The following ERGIC1 variants were observed in gnomAD, a reference collection of about 807,000 sequenced individuals.
ERGIC1 encodes the protein endoplasmic reticulum-Golgi intermediate compartment protein 1.
Under a neutral mutation model 38.3 loss-of-function variants are expected in ERGIC1, and 19 were observed. The observed-to-expected ratio is 0.50, with a 90% CI of 0.35 to 0.73. ERGIC1 has a LOEUF of 0.73. ERGIC1 is among the 30% of genes least tolerant of loss of function. The pLI, the probability that ERGIC1 is intolerant of heterozygous loss-of-function variation, is 0.01. For missense variants in ERGIC1, 294 were observed against 389.2 expected, an observed-to-expected ratio of 0.76 and a Z score of 2.06; for synonymous variants, 124 against 157.6, an observed-to-expected ratio of 0.79 and a Z score of 1.60.
intron 1 of ERGIC1, chr5:172,867,167 A>G (rs987652248): frequency 1.1e-5 from 5 of 455,006 alleles, no homozygotes; most frequent in African/African-American, 4.0e-5. Flanking sequence ...CTTGCCAGCA[A>G]TGCCACCTTG....
chr5:172,939,446 C>A (rs1289028332), intron 9 of ERGIC1, among the ~76,000 whole-genome samples: 1 of 152,240 alleles, frequency 6.6e-6, no homozygotes, highest in Admixed American at 6.5e-5. Flanking sequence ...CATGCCACCC[C>A]CTTTGGCAGG....
intron 1 of ERGIC1, among the ~76,000 whole-genome samples, chr5:172,836,056 G>A (rs1761028768): frequency 6.6e-6 from 1 of 152,186 alleles, no homozygotes; most frequent in South Asian, 2.1e-4. Flanking sequence ...GAGCTTGCTG[G>A]GGAAATTGCT....
rs775316423 is a variant in ERGIC1, at chr5:172,932,543, G to T, written c.642+7G>T. ...GTACACGGTGGCCAACAAGGTGCGC[G>T]GGCGGTGGCTGGGCCGAGCTGTGTG... is the stretch of plus-strand genomic sequence containing the variant. On this transcript the variant is annotated splice_region_variant and intron_variant, in intron 8 of 9. Transcript: ENST00000393784. The T allele has an allele frequency of 1.1e-5, 18 of 1,613,544 alleles. No homozygotes were observed. Among genetic ancestry groups the T allele is most frequent in the Non-Finnish European group, 1.5e-5 (18 of 1,179,766 alleles).
At chr5:172,844,501 G>A (rs915654662) in intron 1 of ERGIC1, among the ~76,000 whole-genome samples, 53 of 152,210 alleles carry the variant, frequency 3.5e-4, no homozygotes, top group African/African-American at 9.9e-4. Flanking sequence ...CCTCTGTGTC[G>A]CACATGGCAG....
intron 1 of ERGIC1, among the ~76,000 whole-genome samples, chr5:172,856,193 C>A (rs1761544579): frequency 1.3e-5 from 2 of 152,096 alleles, no homozygotes; most frequent in Non-Finnish European, 2.9e-5. Flanking sequence ...AGAGGCTGGA[C>A]TGGAGAGAGA....
At chr5:172,918,610 G>A (rs1256039920) in intron 5 of ERGIC1, among the ~76,000 whole-genome samples, 1 of 152,244 alleles carries the variant, frequency 6.6e-6, no homozygotes, top group Non-Finnish European at 1.5e-5. Flanking sequence ...AGGCAGGCTT[G>A]GAATGGACAG....
chr5:172,874,880 G>A (rs996877629), intron 1 of ERGIC1, among the ~76,000 whole-genome samples: 11 of 149,864 alleles, frequency 7.3e-5, no homozygotes, highest in South Asian at 2.1e-4. Flanking sequence ...AGCCATGATC[G>A]CGCCACTGCA....
At chr5:172,921,162 G>GC (rs1213775807) in intron 5 of ERGIC1, among the ~76,000 whole-genome samples, 1 of 152,192 alleles carries the variant, frequency 6.6e-6, no homozygotes, top group African/African-American at 2.4e-5. Context: ...CGCCCATTTC[G>GC]CTGATGGAGA....
At chr5:172,880,666 A>G (rs889468813) in intron 1 of ERGIC1, among the ~76,000 whole-genome samples, 4 of 152,198 alleles carry the variant, frequency 2.6e-5, no homozygotes, top group Non-Finnish European at 1.5e-5. Context: ...TGCACCTTCA[A>G]GTGAGCAAGG....
chr5:172,873,178 A>G (rs577369267), intron 1 of ERGIC1, among the ~76,000 whole-genome samples: 2 of 152,294 alleles, frequency 1.3e-5, no homozygotes, highest in South Asian at 4.1e-4. Flanking sequence ...CCCCTCTAAG[A>G]ATACATTTCC....
intron 5 of ERGIC1, among the ~76,000 whole-genome samples, chr5:172,922,771 T>C (rs1763554314): frequency 6.6e-6 from 1 of 152,146 alleles, no homozygotes. Flanking sequence ...TCTGAGAGAA[T>C]AGAAGCCGTG....
In ERGIC1 at chr5:172,936,450, C is replaced by T. The variant is rs185383884; in HGVS notation, c.765+1140C>T. 3.9e-5 allele frequency: 6 copies of T among 152,414 alleles called. No individual in the cohort carries two copies. The East Asian group carries it at 1.2e-3, about 29-fold the overall frequency. The allele number at this position is 152,414 out of a possible 1,614,324, so 9.4% of individuals were successfully genotyped here. ...GGTTGGCCAGGCTTAGGCCCTGTAC[C>T]CTCTCTGGTGTCAACCCCATCCAAA... On this transcript the variant is annotated intron_variant, in intron 9 of 9. Transcript: ENST00000393784.
intron 1 of ERGIC1, among the ~76,000 whole-genome samples, chr5:172,857,062 A>G (rs1004518520): frequency 1.3e-5 from 2 of 152,248 alleles, no homozygotes; most frequent in East Asian, 3.8e-4. Context: ...TGGGGCCCCA[A>G]GGCCACCAGT....
In ERGIC1 at chr5:172,900,771, C is replaced by T. The variant is rs1381432807; in HGVS notation, c.155+3697C>T. On this transcript the variant is annotated intron_variant, in intron 3 of 9. Coordinates refer to ENST00000393784, the MANE Select transcript of ERGIC1 (RefSeq NM_001031711.3). ...TTGAGCATTTGCCTTGAGTCCAACC[C>T]TGTGCTAAGTCAGCGGCTGGAGAGA... 2.0e-5 allele frequency among the ~76,000 whole-genome samples: 3 copies of T among 152,148 alleles called. No homozygotes were observed. In the East Asian group the frequency reaches 5.8e-4, roughly 29 times the overall value.
intron 1 of ERGIC1, among the ~76,000 whole-genome samples, chr5:172,858,025 A>C (rs1761598451): frequency 6.6e-6 from 1 of 152,166 alleles, no homozygotes; most frequent in Non-Finnish European, 1.5e-5. Context: ...ATCCAATTAA[A>C]TGTATAATTC....
rs1764214844 is a variant in ERGIC1 at position 172,950,808 on chromosome 5, A to C, written c.865A>C (p.Met289Leu). 1 of 1,609,806 alleles carries C rather than the reference A, an allele frequency of 6.2e-7. No individual in the cohort carries two copies. The highest frequency in any genetic ancestry group is 1.3e-5 in the African/African-American group (1 of 74,974). The change falls in exon 10 of 10, where the codon ATG becomes CTG. Residue 289 changes from methionine to leucine, a missense_variant. Met to Leu is a conservative substitution (Grantham distance 15). Around this residue, in one of 3 missense-constraint regions of ERGIC1, gnomAD observed 22 missense variants for 50.7 expected, o/e 0.43. Coordinates refer to ENST00000393784, the MANE Select transcript of ERGIC1 (RefSeq NM_001031711.3). ...EAWKKIQLGK[M>L]H ...CTGGAAGAAGATCCAGCTGGGCAAG[A>C]TGCATTGACGCCACACCCAGCCTAA...
chr5:172,931,553 G>C (rs2113466470), intron 7 of ERGIC1, among the ~76,000 whole-genome samples: 1 of 152,312 alleles, frequency 6.6e-6, no homozygotes, highest in Non-Finnish European at 1.5e-5. Context: ...TGCTTCATTG[G>C]TGCAGTTTTT....
intron 5 of ERGIC1, among the ~76,000 whole-genome samples, chr5:172,922,645 A>C (rs494845): frequency 0.047 from 7,182 of 152,290 alleles, 566 homozygotes; most frequent in African/African-American, 0.16. Context: ...GCACGGCAGG[A>C]GACCAGACAG....
intron 2 of ERGIC1, among the ~76,000 whole-genome samples, chr5:172,891,338 G>T (rs1033319979): frequency 1.2e-4 from 19 of 152,226 alleles, no homozygotes; most frequent in African/African-American, 4.6e-4. Flanking sequence ...TCCACCAGTG[G>T]CTCCATCCTC....
Sources: gnomAD v4.1 joint callset for allele counts (sites outside exome capture counted in the v4.1 genomes callset) on GRCh38, gnomAD v4.1.1 for gene constraint, gnomAD v4.1.1 regional missense constraint, MANE v1.5 for transcripts, NCBI Gene and HGNC (gene_info 2026-07-23, HGNC 2026-07-21) for gene names.